The following ERC2 variants were observed in gnomAD, a reference collection of about 807,000 sequenced individuals.
ERC2 encodes the protein ERC protein 2.
A neutral mutation model predicts 114.8 loss-of-function variants in ERC2; 42 were observed. That is an observed-to-expected ratio of 0.37 (90% CI 0.29 to 0.47). ERC2 has a LOEUF of 0.47. ERC2 is among the 20% of genes least tolerant of loss of function. The pLI, the probability that ERC2 is intolerant of heterozygous loss-of-function variation, is 0.99. For missense variants in ERC2, 939 were observed against 1,150.7 expected, an observed-to-expected ratio of 0.82 and a Z score of 2.66; for synonymous variants, 454 against 425.5, an observed-to-expected ratio of 1.07 and a Z score of -0.82.
chr3:55,563,238 G>A (rs899231754), intron 17 of ERC2, among the ~76,000 whole-genome samples: 2 of 152,042 alleles, frequency 1.3e-5, no homozygotes, highest in Non-Finnish European at 2.9e-5. Flanking sequence ...AAGTAAGGTG[G>A]ACTGTTGCCC....
intron 1 of ERC2, among the ~76,000 whole-genome samples, chr3:56,443,266 C>T (rs1251524703): frequency 6.6e-6 from 1 of 152,158 alleles, no homozygotes; most frequent in Non-Finnish European, 1.5e-5. Context: ...CTGAACTTAT[C>T]AAATCAAACA....
intron 2 of ERC2, among the ~76,000 whole-genome samples, chr3:56,350,219 T>C (rs2058498371): frequency 6.6e-6 from 1 of 152,116 alleles, no homozygotes; most frequent in South Asian, 2.1e-4. Flanking sequence ...AGGAAAAAAA[T>C]AAAATTTTTC....
intron 2 of ERC2, among the ~76,000 whole-genome samples, chr3:56,421,009 G>C (rs2061369996): frequency 6.6e-6 from 1 of 152,128 alleles, no homozygotes; most frequent in African/African-American, 2.4e-5. Context: ...GCGCCATGTG[G>C]GTCCACTATG....
At chr3:55,822,927 T>C (rs1462919179) in intron 14 of ERC2, among the ~76,000 whole-genome samples, 1 of 152,202 alleles carries the variant, frequency 6.6e-6, no homozygotes, top group Non-Finnish European at 1.5e-5. Context: ...GAATTTTTAA[T>C]AGCCATCATG....
chr3:55,835,438 C>G (rs1382587488), intron 14 of ERC2, among the ~76,000 whole-genome samples: 5 of 152,160 alleles, frequency 3.3e-5, no homozygotes, highest in Non-Finnish European at 7.4e-5. Context: ...GGATGCAAGG[C>G]TGGTTCAATA....
intron 2 of ERC2, among the ~76,000 whole-genome samples, chr3:56,363,946 A>AT (rs894319744): frequency 5.3e-5 from 8 of 152,050 alleles, no homozygotes; most frequent in Admixed American, 5.2e-4. Flanking sequence ...GGAATGGAGA[A>AT]TAAAAAACTT....
chr3:56,457,985 C>T (rs1306189668), intron 1 of ERC2, among the ~76,000 whole-genome samples: 2 of 152,178 alleles, frequency 1.3e-5, no homozygotes, highest in Non-Finnish European at 2.9e-5. Flanking sequence ...CTGGATACTA[C>T]AATCCCTGAA....
At chr3:55,851,729 G>A (rs2061580859) in intron 14 of ERC2, among the ~76,000 whole-genome samples, 1 of 150,992 alleles carries the variant, frequency 6.6e-6, no homozygotes. Flanking sequence ...ACTCTCATTA[G>A]AGTTGACCAC....
chr3:55,817,710 C>G (rs1467210402), intron 14 of ERC2, among the ~76,000 whole-genome samples: 1 of 152,188 alleles, frequency 6.6e-6, no homozygotes, highest in Non-Finnish European at 1.5e-5. Context: ...GTTAAGTTAT[C>G]TGAGTCTCAG....
At chr3:55,799,293 A>G (rs1052734584) in intron 14 of ERC2, among the ~76,000 whole-genome samples, 4 of 151,336 alleles carry the variant, frequency 2.6e-5, no homozygotes, top group Admixed American at 6.6e-5. Context: ...CTTGATTTAC[A>G]TAGGATAGAA....
At chr3:56,440,233 T>A (rs1294153104) in intron 1 of ERC2, among the ~76,000 whole-genome samples, 1 of 152,190 alleles carries the variant, frequency 6.6e-6, no homozygotes, top group Non-Finnish European at 1.5e-5. Flanking sequence ...CTGAAATGTT[T>A]CGTAGAACAC....
At chr3:55,947,874 A>G (rs1247177151) in intron 13 of ERC2, among the ~76,000 whole-genome samples, 2 of 152,362 alleles carry the variant, frequency 1.3e-5, no homozygotes, top group East Asian at 3.9e-4. Context: ...AGAACCAGAC[A>G]TCATTATTTT....
intron 7 of ERC2, among the ~76,000 whole-genome samples, chr3:56,034,998 G>A (rs1436577996): frequency 6.6e-6 from 1 of 151,858 alleles, no homozygotes; most frequent in African/African-American, 2.4e-5. Context: ...ATAAAATTAA[G>A]TTTAGAAAAA....
intron 7 of ERC2, among the ~76,000 whole-genome samples, chr3:56,050,911 T>C (rs964410385): frequency 2.6e-5 from 4 of 152,138 alleles, no homozygotes; most frequent in Non-Finnish European, 4.4e-5. Flanking sequence ...ATTAGAAATA[T>C]TAGGTAGGCA....
At chr3:56,197,417 T>C (rs1337988776) in intron 3 of ERC2, among the ~76,000 whole-genome samples, 3 of 152,222 alleles carry the variant, frequency 2.0e-5, no homozygotes, top group African/African-American at 7.2e-5. Flanking sequence ...AAGGGTTTTA[T>C]AGGCCAAGCC....
chr3:56,204,476 C>CTTTTATTTTAATTTTA (rs2048590605), intron 3 of ERC2, among the ~76,000 whole-genome samples: 3 of 132,862 alleles, frequency 2.3e-5, no homozygotes, highest in Non-Finnish European at 4.8e-5. Flanking sequence ...TAATTAGATG[C>CTTTTATTTTAATTTTA]TTTTATTTTA....
chr3:55,597,096 T>C (rs929509141), intron 17 of ERC2, among the ~76,000 whole-genome samples: 1 of 152,200 alleles, frequency 6.6e-6, no homozygotes, highest in African/African-American at 2.4e-5. Flanking sequence ...AGCATTATTA[T>C]GTACTTGATA....
At chr3:55,913,585 T>C (rs1222522276) in intron 13 of ERC2, among the ~76,000 whole-genome samples, 3 of 152,112 alleles carry the variant, frequency 2.0e-5, no homozygotes, top group African/African-American at 7.2e-5. Context: ...ACGTTATACT[T>C]AAAAATTGCT....
At position 55,965,182 on chromosome 3, in the gene ERC2, G is replaced by A. The variant is rs368298898; in HGVS notation, c.2268-14622C>T. Among the ~76,000 whole-genome samples, 5 of 152,164 alleles carry A rather than the reference G, an allele frequency of 3.3e-5. No individual in the cohort carries two copies. The East Asian group carries it at 9.6e-4, about 29-fold the overall frequency. ...AAATTATACAAGGGTGTGAAAACCA[G>A]GGGGTGGAGATCATGGGACCATGTC... On this transcript the variant is annotated intron_variant, in intron 12 of 17. Coordinates refer to ENST00000288221, the MANE Select transcript of ERC2 (RefSeq NM_015576.3).
Sources: gnomAD v4.1 joint callset for allele counts (sites outside exome capture counted in the v4.1 genomes callset) on GRCh38, gnomAD v4.1.1 for gene constraint, MANE v1.5 for transcripts, NCBI Gene and HGNC (gene_info 2026-07-23, HGNC 2026-07-21) for gene names.